Variants in LRP4 observed in about 807,000 individuals in gnomAD.
LRP4 encodes low-density lipoprotein receptor-related protein 4.
Under a neutral mutation model 220.3 loss-of-function variants are expected in LRP4, and 95 were observed. The ratio of observed to expected loss-of-function variants is 0.43; its 90% CI spans 0.37 to 0.51. The LOEUF is 0.51. Among genes scored for constraint, LRP4 ranks in the 20% least tolerant of loss-of-function variants. The pLI, the probability that LRP4 is intolerant of heterozygous loss-of-function variation, is 0.00. For synonymous variants in LRP4, 903 were observed against 954.6 expected (o/e 0.95, Z 1.00); for missense variants, 1,925 against 2,567.0 (o/e 0.75, Z 5.40).
Position 46,895,216 on chromosome 11 carries a change from C to T in LRP4, c.1259G>A (p.Cys420Tyr). ...TNSEGAFQCW[C>Y]ETGYELRPDR... The stretch of plus-strand genomic sequence containing the variant: ...GGGCCGTAGTTCATAGCCTGTTTCA[C>T]ACCAGCATTGGAAAGCCCCTTCGCT... Residue 420 changes from cysteine to tyrosine, a missense_variant, in exon 11 of 38, where the codon TGT becomes TAT. By Grantham distance (194) the Cys-to-Tyr change is radical (BLOSUM62 -2). Around this residue, in one of 3 missense-constraint regions of LRP4, gnomAD observed 269 missense variants for 436.7 expected, o/e 0.62. Coordinates refer to ENST00000378623, the MANE Select transcript of LRP4 (RefSeq NM_002334.4). 3 of 1,614,174 alleles carry T rather than the reference C, an allele frequency of 1.9e-6. No individual in the cohort carries two copies. Among genetic ancestry groups the T allele is most frequent in the Non-Finnish European group, 2.5e-6 (3 of 1,180,046 alleles).
At chr11:46,886,232 A>T in intron 17 of LRP4, 60 bp from the exon 18 acceptor site, 1 of 1,597,470 alleles carries the variant, frequency 6.3e-7, no homozygotes, top group Non-Finnish European at 8.6e-7. Flanking sequence ...TGGAGCCCAA[A>T]CTCCACCAAT....
At chr11:46,915,697 C>T (rs1418467618) in intron 1 of LRP4, among the ~76,000 whole-genome samples, 2 of 152,218 alleles carry the variant, frequency 1.3e-5, no homozygotes, top group Non-Finnish European at 2.9e-5. Flanking sequence ...GCATGTGCCA[C>T]TGTGCCTGGC....
At chr11:46,888,194 C>T (rs909717729) in intron 16 of LRP4, among the ~76,000 whole-genome samples, 22 of 150,080 alleles carry the variant, frequency 1.5e-4, no homozygotes, top group African/African-American at 5.4e-4. Context: ...TGGTAGTGCA[C>T]ACTTATAATC....
intron 11 of LRP4, 125 bp downstream of exon 11, chr11:46,895,041 C>A: frequency 7.2e-7 from 1 of 1,394,520 alleles, no homozygotes; most frequent in South Asian, 1.2e-5. Context: ...CAGAATGCAA[C>A]TGTTGCTGCA....
chr11:46,910,745 C>G (rs1364984842), intron 1 of LRP4, among the ~76,000 whole-genome samples: 1 of 143,414 alleles, frequency 7.0e-6, no homozygotes. Flanking sequence ...ACAATCTCAG[C>G]TTACTGCAAC....
In LRP4 at chr11:46,899,141, G is replaced by T; in HGVS notation, c.548-109C>A. 1 of 1,120,466 alleles carries T rather than the reference G, an allele frequency of 8.9e-7. No homozygotes were observed. Among genetic ancestry groups the T allele is most frequent in the African/African-American group, 1.5e-5 (1 of 65,582 alleles). 69.4% of individuals were successfully genotyped at this position (1,120,466 alleles called of 1,614,324 possible). A position where few individuals can be genotyped will look rare whatever the true frequency, so the allele number is the denominator to read the frequency against. ...TGCTCAGGCAGGAGAGCTTCTTCAA[G>T]TGAGATGTAACCAGGTTTCATCTGG... On this transcript the variant is annotated intron_variant, in intron 5 of 37. Transcript: ENST00000378623. This position sits in a 1 kb window ranked among gnomAD's most constrained non-coding sequence, Gnocchi z 5.9.
intron 1 of LRP4, among the ~76,000 whole-genome samples, chr11:46,903,234 C>T (rs1038335729): frequency 6.6e-6 from 1 of 152,116 alleles, no homozygotes; most frequent in Non-Finnish European, 1.5e-5. Context: ...GTGGCTCATA[C>T]CTATATCACA....
At chr11:46,889,887 C>T (rs1941382971) in intron 15 of LRP4, 57 bp downstream of exon 15, 1 of 1,593,170 alleles carries the variant, frequency 6.3e-7, no homozygotes, top group African/African-American at 1.3e-5. Flanking sequence ...CTCAGAGGCA[C>T]CAGAGGCCAC....
At chr11:46,865,266 G>A (rs1940664716) in intron 34 of LRP4, 80 bp from the exon 35 acceptor site, 1 of 1,001,064 alleles carries the variant, frequency 1.0e-6, no homozygotes, top group Admixed American at 2.0e-5. Flanking sequence ...AGGGGGAAAG[G>A]CCTGTAAGTG....
intron 15 of LRP4, 68 bp from the exon 16 acceptor site, chr11:46,889,601 A>AG: frequency 6.3e-7 from 1 of 1,595,558 alleles, no homozygotes; most frequent in Non-Finnish European, 8.5e-7. Context: ...ACTAGGGAAT[A>AG]GGGGTTTAGG....
chr11:46,918,520 C>A lies in LRP4; in HGVS notation c.-141G>T. 2.3e-6 allele frequency: 1 copy of A among 428,702 alleles called. No individual in the cohort carries two copies. The highest frequency in any genetic ancestry group is 3.4e-6 in the Non-Finnish European group (1 of 297,550). 26.6% of individuals were successfully genotyped at this position (428,702 alleles called of 1,614,324 possible). On this transcript the variant is annotated 5_prime_UTR_variant, in exon 1 of 38. Transcript: ENST00000378623. The surrounding 1 kb of genome is among the most constrained non-coding windows in gnomAD (Gnocchi z 6.0). ...GCCCCGCAAGTCGCCCTCGGGCCGC[C>A]GCCGCCTCCAGTGCTGCCAGAGCCG... is the stretch of plus-strand genomic sequence containing the variant.
Position 46,896,853 on chromosome 11 carries a change from C to T in LRP4, c.922+16G>A. The T allele has an allele frequency of 1.9e-6, 3 of 1,614,072 alleles. No homozygotes were observed. The highest frequency in any genetic ancestry group is 2.5e-6 in the Non-Finnish European group (3 of 1,179,940). On this transcript the variant is annotated intron_variant, in intron 8 of 37. Transcript: ENST00000378623. Reference sequence around the variant, plus strand: ...ACTATAGGCTAAGGGTTCTGGGGCACCCCGGGAGACACCACCTGTATTCTC... The same window carrying T: ...ACTATAGGCTAAGGGTTCTGGGGCATCCCGGGAGACACCACCTGTATTCTC...
In LRP4 at chr11:46,858,674, G is replaced by A; in HGVS notation, c.*309C>T. ...CAGGCACTGAGGGTACTGGGGAAAG[G>A]GGAGGTGGAGCTCTACGCTGGTGAG... is the stretch of plus-strand genomic sequence containing the variant. On this transcript the variant is annotated 3_prime_UTR_variant, in exon 38 of 38. Coordinates refer to ENST00000378623, the MANE Select transcript of LRP4 (RefSeq NM_002334.4). 2 of 412,560 alleles carry A rather than the reference G, an allele frequency of 4.8e-6. No individual in the cohort carries two copies. Among genetic ancestry groups the A allele is most frequent in the Non-Finnish European group, 9.2e-6 (2 of 218,058 alleles). The allele number at this position is 412,560 out of a possible 1,614,324, so 25.6% of individuals were successfully genotyped here.
At chr11:46,872,066 G>A (rs575599207) in intron 30 of LRP4, among the ~76,000 whole-genome samples, 1 of 152,208 alleles carries the variant, frequency 6.6e-6, no homozygotes, top group African/African-American at 2.4e-5. Context: ...AGATCAGCCT[G>A]GCCAACATGG....
intron 10 of LRP4, among the ~76,000 whole-genome samples, chr11:46,895,681 T>A (rs1347585925): frequency 6.6e-6 from 1 of 152,352 alleles, no homozygotes; most frequent in African/African-American, 2.4e-5. Flanking sequence ...GCCAGCTGTG[T>A]GGCCTTTGGT....
chr11:46,902,719 G>A, intron 2 of LRP4, 64 bp downstream of exon 2: 1 of 1,590,318 alleles, frequency 6.3e-7, no homozygotes, highest in Non-Finnish European at 8.6e-7. Context: ...CATCAGCCTT[G>A]TCCTTGCCCC....
At chr11:46,880,619 A>AAAAT (rs1039966481) in intron 20 of LRP4, among the ~76,000 whole-genome samples, 2 of 151,974 alleles carry the variant, frequency 1.3e-5, no homozygotes, top group Non-Finnish European at 2.9e-5. Context: ...TGAGTGTCTA[A>AAAAT]AAATAAATAA....
chr11:46,881,925 C>G (rs1941171981), intron 19 of LRP4, 22 bp from the exon 20 acceptor site: 5 of 1,613,468 alleles, frequency 3.1e-6, no homozygotes, highest in Non-Finnish European at 4.2e-6. Context: ...CAAGGCAAGG[C>G]AGGTCTTACA....
At position 46,858,988 on chromosome 11, in the gene LRP4, C is replaced by T. The variant is rs911752249; in HGVS notation, c.5713G>A (p.Val1905Ile). 6.2e-7 allele frequency: 1 copy of T among 1,613,838 alleles called. No homozygotes were observed. The highest frequency in any genetic ancestry group is 1.3e-5 in the African/African-American group (1 of 75,028). Residue 1905 changes from valine to isoleucine, a missense_variant, in exon 38 of 38, where the codon GTC becomes ATC. Around this residue, in one of 3 missense-constraint regions of LRP4, gnomAD observed 1,244 missense variants for 1,624.9 expected, o/e 0.77. Transcript: ENST00000378623. ...AGGGAAGAGAATGTGGGCATTTAGACCTGGCTCTCTGAGGAGAGCTTGCGT... is the reference window on the plus strand; with the variant it reads ...AGGGAAGAGAATGTGGGCATTTAGATCTGGCTCTCTGAGGAGAGCTTGCGT... ...HERKLSSESQ[V>I]
Sources: gnomAD v4.1 joint callset for allele counts (sites outside exome capture counted in the v4.1 genomes callset) on GRCh38, gnomAD v4.1.1 for gene constraint, gnomAD v4.1.1 regional missense constraint, Gnocchi (gnomAD v3.1) non-coding constraint, MANE v1.5 for transcripts, NCBI Gene and HGNC (gene_info 2026-07-23, HGNC 2026-07-21) for gene names.